The following CACNA2D3 variants were observed in gnomAD, a reference collection of about 807,000 sequenced individuals.
CACNA2D3 encodes voltage-dependent calcium channel subunit alpha-2/delta-3.
Under a neutral mutation model 160.6 loss-of-function variants are expected in CACNA2D3, and 60 were observed. The ratio of observed to expected loss-of-function variants is 0.37; its 90% CI spans 0.30 to 0.46. CACNA2D3 has a LOEUF of 0.46. CACNA2D3 is among the 20% of genes least tolerant of loss of function. The pLI is 1.00. For synonymous variants in CACNA2D3, 558 were observed against 492.9 expected (o/e 1.13, Z -1.75); for missense variants, 1,205 against 1,365.0 (o/e 0.88, Z 1.85).
intron 2 of CACNA2D3, among the ~76,000 whole-genome samples, chr3:54,190,531 T>C (rs1204018394): frequency 1.3e-5 from 2 of 152,222 alleles, no homozygotes; most frequent in Admixed American, 1.3e-4. Context: ...CATTGTACGT[T>C]TGATTTTTAG....
intron 2 of CACNA2D3, among the ~76,000 whole-genome samples, chr3:54,226,192 G>A (rs1037734930): frequency 1.3e-5 from 2 of 152,016 alleles, no homozygotes; most frequent in African/African-American, 4.8e-5. Context: ...TCTCAGTTAA[G>A]CTGTGCTGCC....
chr3:54,919,246 T>C (rs1162599605), intron 27 of CACNA2D3, among the ~76,000 whole-genome samples: 1 of 152,212 alleles, frequency 6.6e-6, no homozygotes, highest in Non-Finnish European at 1.5e-5. Flanking sequence ...GTGCCACGCA[T>C]GGTCCTAGTG....
At chr3:54,892,367 C>T (rs1172693032) in intron 25 of CACNA2D3, among the ~76,000 whole-genome samples, 7 of 152,060 alleles carry the variant, frequency 4.6e-5, no homozygotes, top group Admixed American at 4.6e-4. Context: ...CATCAGGGGT[C>T]CAAGGAGGCG....
At chr3:55,037,561 G>A (rs988753447) in intron 35 of CACNA2D3, among the ~76,000 whole-genome samples, 1 of 152,186 alleles carries the variant, frequency 6.6e-6, no homozygotes, top group African/African-American at 2.4e-5. Context: ...CCAGGATGCA[G>A]AAGTCTGCCA....
At chr3:54,386,612 T>C (rs1240174505) in intron 3 of CACNA2D3, 103 bp from the exon 4 acceptor site, 2 of 1,056,156 alleles carry the variant, frequency 1.9e-6, no homozygotes, top group Non-Finnish European at 2.7e-6. Context: ...TCACAATGTA[T>C]GAACCACGAT....
chr3:54,323,386 G>A (rs1175029078), intron 3 of CACNA2D3, among the ~76,000 whole-genome samples: 1 of 151,972 alleles, frequency 6.6e-6, no homozygotes, highest in Non-Finnish European at 1.5e-5. Flanking sequence ...AGACAAGGTG[G>A]GGTCCTTTCC....
At chr3:54,359,654 TG>T (rs1698709589) in intron 3 of CACNA2D3, among the ~76,000 whole-genome samples, 1 of 152,258 alleles carries the variant, frequency 6.6e-6, no homozygotes, top group Non-Finnish European at 1.5e-5. Context: ...AAGTGATTCT[TG>T]CTCCTTCATT....
At chr3:54,603,756 G>T (rs1246217590) in intron 9 of CACNA2D3, among the ~76,000 whole-genome samples, 2 of 152,146 alleles carry the variant, frequency 1.3e-5, no homozygotes, top group Non-Finnish European at 2.9e-5. Flanking sequence ...AAACAATCAA[G>T]AATATGGATA....
intron 13 of CACNA2D3, among the ~76,000 whole-genome samples, chr3:54,778,189 C>G (rs879941604): frequency 2.9e-4 from 44 of 152,146 alleles, no homozygotes; most frequent in Non-Finnish European, 5.9e-4. Context: ...ACAACCAGAT[C>G]TTATGACCAC....
intron 17 of CACNA2D3, among the ~76,000 whole-genome samples, chr3:54,865,834 C>T (rs905754074): frequency 6.6e-6 from 1 of 152,182 alleles, no homozygotes; most frequent in Non-Finnish European, 1.5e-5. Flanking sequence ...GTGCTGGGCT[C>T]CTTGCTAAAC....
intron 11 of CACNA2D3, among the ~76,000 whole-genome samples, chr3:54,731,390 A>G (rs1310569692): frequency 1.3e-5 from 2 of 152,164 alleles, no homozygotes; most frequent in Admixed American, 6.5e-5. Context: ...TCAGACCCTC[A>G]TACATTGAGC....
intron 3 of CACNA2D3, among the ~76,000 whole-genome samples, chr3:54,332,240 G>GT (rs1380182473): frequency 6.6e-6 from 1 of 152,170 alleles, no homozygotes; most frequent in Non-Finnish European, 1.5e-5. Flanking sequence ...TTTTATCACA[G>GT]TGTGGTGCAT....
At chr3:54,957,876 T>C (rs143863818) in intron 27 of CACNA2D3, among the ~76,000 whole-genome samples, 1 of 152,304 alleles carries the variant, frequency 6.6e-6, no homozygotes, top group Non-Finnish European at 1.5e-5. Context: ...CACAAATCTA[T>C]TTGTGTCTCA....
At chr3:54,701,700 C>G (rs746002991) in intron 11 of CACNA2D3, among the ~76,000 whole-genome samples, 3 of 152,130 alleles carry the variant, frequency 2.0e-5, no homozygotes, top group Non-Finnish European at 4.4e-5. Context: ...AGTGCCATCC[C>G]TATCAAACTA....
intron 11 of CACNA2D3, among the ~76,000 whole-genome samples, chr3:54,679,238 A>G (rs1255529957): frequency 1.3e-5 from 2 of 152,154 alleles, no homozygotes; most frequent in Non-Finnish European, 2.9e-5. Context: ...CCTGGGTGTA[A>G]CAGCTGCAAA....
rs60064188 is a variant in CACNA2D3 at position 54,547,522 on chromosome 3, C to T, written c.545-15278C>T. 6.4e-3 allele frequency among the ~76,000 whole-genome samples: 971 copies of T among 152,118 alleles called. 7 individuals carry two copies. The highest frequency in any genetic ancestry group is 0.022 in the African/African-American group (931 of 41,484). Reference sequence around the variant, plus strand: ...TTTCTGACTCCTGCTTACACTCTCCCGTGGGTAGAGAGCTAGAAATGCCCT... The same window carrying T: ...TTTCTGACTCCTGCTTACACTCTCCTGTGGGTAGAGAGCTAGAAATGCCCT... On this transcript the variant is annotated intron_variant, in intron 5 of 37. Coordinates refer to ENST00000474759, the MANE Select transcript of CACNA2D3 (RefSeq NM_018398.3).
chr3:54,576,518 C>T (rs1338955753), intron 8 of CACNA2D3, among the ~76,000 whole-genome samples: 2 of 152,182 alleles, frequency 1.3e-5, no homozygotes, highest in African/African-American at 4.8e-5. Context: ...GGAATGCTCA[C>T]AGACATTGGG....
chr3:54,974,470 C>G (rs142715635), intron 29 of CACNA2D3, among the ~76,000 whole-genome samples: 1 of 152,270 alleles, frequency 6.6e-6, no homozygotes, highest in East Asian at 1.9e-4. Context: ...GGGCTAGTAC[C>G]CCTTCCAGTG....
In CACNA2D3 at chr3:54,560,156, G is replaced by C. The variant is rs189585371; in HGVS notation, c.545-2644G>C. On this transcript the variant is annotated intron_variant, in intron 5 of 37. Transcript: ENST00000474759. Reference sequence around the variant, plus strand: ...TCTGTCTTTAGGTCTTTGAGGAATCGCTACACTGTCTTCCACAATGGTTGA... The same window carrying C: ...TCTGTCTTTAGGTCTTTGAGGAATCCCTACACTGTCTTCCACAATGGTTGA... Among the ~76,000 whole-genome samples the C allele has an allele frequency of 4.6e-5, 7 of 152,282 alleles. 1 individual carries two copies. Among genetic ancestry groups the C allele is most frequent in the African/African-American group, 1.7e-4 (7 of 41,556 alleles).
Sources: allele counts gnomAD v4.1 joint callset (sites outside exome capture counted in the v4.1 genomes callset), GRCh38; gene constraint gnomAD v4.1.1; transcripts MANE v1.5; gene names NCBI Gene and HGNC (gene_info 2026-07-23, HGNC 2026-07-21).